Variants in RFC3 observed in about 807,000 individuals in gnomAD.
The protein encoded by RFC3 is A1 38 kDa subunit.
RFC3 carries 41 observed loss-of-function variants against 45.1 expected under a neutral mutation model. The observed-to-expected ratio is 0.91, with a 90% CI of 0.71 to 1.18. The LOEUF is 1.18. Among genes scored for constraint, RFC3 ranks in the 50% most tolerant of loss-of-function variants. The probability of loss-of-function intolerance (pLI) is 0.00; values close to 1 mark genes in which losing one functional copy is unlikely to be tolerated. For missense variants in RFC3, 423 were observed against 428.1 expected, an observed-to-expected ratio of 0.99 and a Z score of 0.10; for synonymous variants, 149 against 144.0, an observed-to-expected ratio of 1.03 and a Z score of -0.25.
chr13:33,841,782 C>T (rs190049269), downstream of RFC3, among the ~76,000 whole-genome samples: 20 of 152,140 alleles, frequency 1.3e-4, no homozygotes, highest in South Asian at 2.1e-4. Flanking sequence ...GTAGGCCTGG[C>T]GTAGTCTTGA....
chr13:33,961,830 A>T (rs913125545), intron 8 of RFC3, among the ~76,000 whole-genome samples: 46 of 152,242 alleles, frequency 3.0e-4, no homozygotes, highest in South Asian at 2.1e-4. Flanking sequence ...GCATCTCAGT[A>T]ACCCCATGGA....
downstream of RFC3, among the ~76,000 whole-genome samples, chr13:33,968,968 C>CA (rs1278775600): frequency 2.6e-5 from 4 of 152,330 alleles, no homozygotes; most frequent in Middle Eastern, 3.4e-3. Context: ...AGGTCAAACT[C>CA]AAACACTCCA....
chr13:33,971,042 T>G (rs1265804481), downstream of RFC3, among the ~76,000 whole-genome samples: 1 of 151,918 alleles, frequency 6.6e-6, no homozygotes, highest in Non-Finnish European at 1.5e-5. Context: ...TCTTTCCCCT[T>G]TTTTATTAAA....
At chr13:33,845,293 G>C (rs1207611632) in intron 8 of RFC3, among the ~76,000 whole-genome samples, 2 of 152,054 alleles carry the variant, frequency 1.3e-5, no homozygotes, top group African/African-American at 2.4e-5. Flanking sequence ...TAATTTTCTT[G>C]AACTTGAATG....
intron 4 of RFC3, 151 bp from the exon 5 acceptor site, chr13:33,829,685 C>A: frequency 3.1e-6 from 2 of 655,588 alleles, no homozygotes; most frequent in Non-Finnish European, 5.4e-6. Context: ...GTAATTTTAC[C>A]ATACTTATAA....
intron 8 of RFC3, among the ~76,000 whole-genome samples, chr13:33,859,189 C>T (rs1460728618): frequency 2.0e-5 from 3 of 152,176 alleles, no homozygotes; most frequent in Non-Finnish European, 4.4e-5. Context: ...AGAGTCAAAA[C>T]TCCATTATAA....
At chr13:33,928,611 C>G (rs1198962828) in intron 8 of RFC3, among the ~76,000 whole-genome samples, 1 of 152,136 alleles carries the variant, frequency 6.6e-6, no homozygotes, top group Non-Finnish European at 1.5e-5. Flanking sequence ...CTTCCCAACT[C>G]TAACTTTAGA....
chr13:33,857,750 A>C (rs2082316927), intron 8 of RFC3, among the ~76,000 whole-genome samples: 1 of 152,216 alleles, frequency 6.6e-6, no homozygotes, highest in Non-Finnish European at 1.5e-5. Flanking sequence ...GTTGTTCAGC[A>C]CTTATTGTAT....
At chr13:33,976,034 TA>T in the RFC3 span, among the ~76,000 whole-genome samples, 1 of 151,978 alleles carries the variant, frequency 6.6e-6, no homozygotes, top group Non-Finnish European at 1.5e-5. Flanking sequence ...GAACTTGGAG[TA>T]ATTTGTGCTG....
At chr13:33,830,402 A>C (rs1297644344) in intron 5 of RFC3, among the ~76,000 whole-genome samples, 1 of 152,246 alleles carries the variant, frequency 6.6e-6, no homozygotes, top group Non-Finnish European at 1.5e-5. Flanking sequence ...AATTAAAGTT[A>C]GTATGAAATA....
At chr13:33,872,803 C>CCCT (rs60317732) in intron 8 of RFC3, among the ~76,000 whole-genome samples, 1 of 139,780 alleles carries the variant, frequency 7.2e-6, no homozygotes, top group Non-Finnish European at 1.6e-5. Context: ...CCCCCCCCCC[C>CCCT]AAAATACATG....
intron 8 of RFC3, among the ~76,000 whole-genome samples, chr13:33,926,461 T>C (rs1386794727): frequency 6.6e-6 from 1 of 152,092 alleles, no homozygotes; most frequent in African/African-American, 2.4e-5. Flanking sequence ...TATTCCCCAA[T>C]AGTTTAAAAA....
intron 8 of RFC3, among the ~76,000 whole-genome samples, chr13:33,879,636 A>T (rs1593660681): frequency 6.6e-6 from 1 of 152,258 alleles, no homozygotes; most frequent in Non-Finnish European, 1.5e-5. Flanking sequence ...TAAATAAAAA[A>T]TTAAATAACT....
chr13:33,857,657 T>G (rs1417285123), intron 8 of RFC3, among the ~76,000 whole-genome samples: 3 of 152,214 alleles, frequency 2.0e-5, no homozygotes, highest in African/African-American at 7.2e-5. Context: ...ATCTTGGCTC[T>G]CTTTGCTCAT....
chr13:33,885,184 C>A (rs767189589), intron 8 of RFC3, among the ~76,000 whole-genome samples: 51 of 152,142 alleles, frequency 3.4e-4, no homozygotes, highest in Non-Finnish European at 4.4e-5. Flanking sequence ...TATCAAACTG[C>A]ATTCTAGTGT....
In RFC3 at chr13:33,836,437, A is replaced by G. The variant is rs1176858136; in HGVS notation, c.*142A>G. Reference sequence around the variant, plus strand: ...GTAATAACTTCTCTGTGAACTATTAATCATCCTCTGAGTTAAATAATTGCT... The same window carrying G: ...GTAATAACTTCTCTGTGAACTATTAGTCATCCTCTGAGTTAAATAATTGCT... On this transcript the variant is annotated 3_prime_UTR_variant, in exon 9 of 9. Transcript: ENST00000380071. The G allele has an allele frequency of 4.8e-6, 7 of 1,458,002 alleles. No homozygotes were observed. The highest frequency in any genetic ancestry group is 2.8e-5 in the African/African-American group (2 of 70,322). The allele number at this position is 1,458,002 out of a possible 1,614,324, so 90.3% of individuals were successfully genotyped here.
At chr13:33,973,248 T>TA in the RFC3 span, among the ~76,000 whole-genome samples, 2 of 152,176 alleles carry the variant, frequency 1.3e-5, no homozygotes, top group Non-Finnish European at 2.9e-5. Context: ...TATGGAAAGA[T>TA]ATCTTAAAGG....
intron 8 of RFC3, among the ~76,000 whole-genome samples, chr13:33,933,084 G>A (rs1256781889): frequency 6.6e-6 from 1 of 152,118 alleles, no homozygotes; most frequent in African/African-American, 2.4e-5. Flanking sequence ...GTTACAGATG[G>A]TGATATCATA....
intron 8 of RFC3, among the ~76,000 whole-genome samples, chr13:33,880,706 C>T (rs1451127664): frequency 6.6e-6 from 1 of 152,118 alleles, no homozygotes; most frequent in Non-Finnish European, 1.5e-5. Flanking sequence ...TGAATACCAC[C>T]TTACATTTTA....
Sources: allele counts gnomAD v4.1 joint callset (sites outside exome capture counted in the v4.1 genomes callset), GRCh38; gene constraint gnomAD v4.1.1; transcripts MANE v1.5; gene names NCBI Gene and HGNC (gene_info 2026-07-23, HGNC 2026-07-21).